Variants in SYT1 observed in about 807,000 individuals in gnomAD.
The protein encoded by SYT1 is synaptotagmin 1.
SYT1 carries 8 observed loss-of-function variants against 44.8 expected under a neutral mutation model. The ratio of observed to expected loss-of-function variants is 0.18; its 90% CI spans 0.10 to 0.32. The LOEUF (loss-of-function observed/expected upper bound fraction) is 0.32, where lower values mean the gene tolerates loss of function less well. SYT1 is among the 10% of genes least tolerant of loss of function. The pLI, the probability that SYT1 is intolerant of heterozygous loss-of-function variation, is 1.00. For synonymous variants in SYT1, 154 were observed against 188.8 expected (o/e 0.82, Z 1.51); for missense variants, 286 against 509.3 (o/e 0.56, Z 4.22).
chr12:79,314,677 A>G (rs1486705178), intron 8 of SYT1, among the ~76,000 whole-genome samples: 1 of 152,236 alleles, frequency 6.6e-6, no homozygotes. Context: ...TCAAAATGTT[A>G]AATAAAGTTG....
At chr12:79,255,476 T>C (rs545860160) in intron 4 of SYT1, among the ~76,000 whole-genome samples, 38 of 152,334 alleles carry the variant, frequency 2.5e-4, no homozygotes, top group African/African-American at 8.4e-4. Context: ...TATTGCAATA[T>C]TCATTTTATT....
intron 1 of SYT1, among the ~76,000 whole-genome samples, chr12:78,896,046 A>G (rs1036438155): frequency 7.2e-5 from 11 of 151,908 alleles, no homozygotes; most frequent in Middle Eastern, 3.4e-3. Flanking sequence ...GAGCACTTGG[A>G]TCAATTTCTG....
chr12:79,292,906 C>A (rs1303402905), intron 6 of SYT1, among the ~76,000 whole-genome samples: 1 of 152,034 alleles, frequency 6.6e-6, no homozygotes, highest in Non-Finnish European at 1.5e-5. Flanking sequence ...TGAAGACATT[C>A]CAGGATCCAC....
intron 9 of SYT1, 70 bp from the exon 10 acceptor site, chr12:79,444,003 T>TA: frequency 6.5e-7 from 1 of 1,543,158 alleles, no homozygotes; most frequent in Non-Finnish European, 8.8e-7. Context: ...ATAGTTCTTT[T>TA]ATAAGCTAAC....
chr12:79,405,359 T>C (rs1333556998), intron 9 of SYT1, among the ~76,000 whole-genome samples: 1 of 152,176 alleles, frequency 6.6e-6, no homozygotes. Flanking sequence ...CTTGCAGATT[T>C]TTCAATGAAT....
chr12:79,237,781 C>T (rs1171254107), intron 4 of SYT1, among the ~76,000 whole-genome samples: 1 of 152,172 alleles, frequency 6.6e-6, no homozygotes, highest in African/African-American at 2.4e-5. Context: ...TTTCCGAGTG[C>T]TTAGTACAGG....
chr12:79,304,542 G>A lies in SYT1; in HGVS notation c.810+4991G>A, dbSNP rs147460319. 2.6e-5 allele frequency among the ~76,000 whole-genome samples: 4 copies of A among 152,164 alleles called. No individual in the cohort carries two copies. The East Asian group carries it at 5.8e-4, about 22-fold the overall frequency. ...AACAACTTTTGTTTGTTTGTTAAAGGCTTATTTAGTGTCTCCCTCTTTGTA... is the reference window on the plus strand; with the variant it reads ...AACAACTTTTGTTTGTTTGTTAAAGACTTATTTAGTGTCTCCCTCTTTGTA... On this transcript the variant is annotated intron_variant, in intron 8 of 10. Coordinates refer to ENST00000261205, the MANE Select transcript of SYT1 (RefSeq NM_005639.3).
chr12:79,376,901 A>G (rs1054335966), intron 9 of SYT1, among the ~76,000 whole-genome samples: 1 of 152,366 alleles, frequency 6.6e-6, no homozygotes, highest in East Asian at 1.9e-4. Flanking sequence ...AATTGTAAAT[A>G]TATGACTTAT....
intron 3 of SYT1, among the ~76,000 whole-genome samples, chr12:79,066,843 C>T (rs1315550278): frequency 6.6e-6 from 1 of 152,108 alleles, no homozygotes; most frequent in Non-Finnish European, 1.5e-5. Context: ...TTAGCTTAAA[C>T]TAATTGCATT....
At chr12:78,929,888 A>AG (rs1373760926) in intron 1 of SYT1, among the ~76,000 whole-genome samples, 1 of 152,132 alleles carries the variant, frequency 6.6e-6, no homozygotes, top group Non-Finnish European at 1.5e-5. Flanking sequence ...GGTGGGGGGA[A>AG]GGGTGGTAGT....
chr12:79,342,542 A>C (rs1882425088), intron 8 of SYT1, among the ~76,000 whole-genome samples: 2 of 152,276 alleles, frequency 1.3e-5, no homozygotes, highest in South Asian at 4.1e-4. Context: ...TTAAAAGGTG[A>C]CTCTGTCAAT....
chr12:79,137,775 C>A (rs1332474944), intron 3 of SYT1, among the ~76,000 whole-genome samples: 1 of 152,074 alleles, frequency 6.6e-6, no homozygotes, highest in Non-Finnish European at 1.5e-5. Flanking sequence ...CATTTCTTTA[C>A]ATAATTGGTA....
At chr12:78,947,946 A>T (rs527812624) in intron 1 of SYT1, among the ~76,000 whole-genome samples, 2 of 152,108 alleles carry the variant, frequency 1.3e-5, no homozygotes, top group African/African-American at 4.8e-5. Flanking sequence ...TAGCCCACTA[A>T]CATTCTAAAA....
chr12:79,367,336 G>A (rs554502649), intron 9 of SYT1, among the ~76,000 whole-genome samples: 160 of 152,266 alleles, frequency 1.1e-3, no homozygotes, highest in Non-Finnish European at 1.7e-3. Context: ...ACCTGCTGTT[G>A]CAATGTTAAT....
chr12:79,168,957 AGCAGCAATTTTCCCTGTTT>A (rs1871360760), intron 3 of SYT1, among the ~76,000 whole-genome samples: 1 of 151,934 alleles, frequency 6.6e-6, no homozygotes, highest in Non-Finnish European at 1.5e-5. Context: ...GGAACACTTG[AGCAGCAATTTTCCCTGTTT>A]GCAGCAATCA....
chr12:79,206,996 G>GA, intron 3 of SYT1, among the ~76,000 whole-genome samples: 1 of 152,296 alleles, frequency 6.6e-6, no homozygotes, highest in East Asian at 1.9e-4. Context: ...GTGACAATGA[G>GA]CATGTTTATT....
chr12:78,973,959 A>G (rs1364388600), intron 1 of SYT1, among the ~76,000 whole-genome samples: 1 of 53,420 alleles, frequency 1.9e-5, no homozygotes, highest in East Asian at 4.6e-4. Context: ...ATATATATAT[A>G]TATATATATA....
chr12:78,970,146 A>C (rs547969367), intron 1 of SYT1, among the ~76,000 whole-genome samples: 1 of 152,316 alleles, frequency 6.6e-6, no homozygotes, highest in South Asian at 2.1e-4. Context: ...GAGTCATAGA[A>C]GAAAGAATTG....
At chr12:79,179,591 A>T (rs1565842673) in intron 3 of SYT1, among the ~76,000 whole-genome samples, 2 of 149,766 alleles carry the variant, frequency 1.3e-5, no homozygotes, top group African/African-American at 4.9e-5. Flanking sequence ...ATAGATATAG[A>T]TTTTTTTTAA....
Sources: allele counts gnomAD v4.1 joint callset (sites outside exome capture counted in the v4.1 genomes callset), GRCh38; gene constraint gnomAD v4.1.1; transcripts MANE v1.5; gene names NCBI Gene and HGNC (gene_info 2026-07-23, HGNC 2026-07-21).